ENTREP2: variants seen among roughly 807,000 people sequenced by gnomAD.
ENTREP2 encodes the protein endosomal transmembrane epsin interactor 2, also known as protein ENTREP2.
chr15:29,595,459 T>C, the ENTREP2 span, among the ~76,000 whole-genome samples: 3 of 152,186 alleles, frequency 2.0e-5, no homozygotes, highest in Non-Finnish European at 4.4e-5. Context: ...GTCCATACTT[T>C]GTCCAGAATT....
chr15:29,475,095 C>A, the ENTREP2 span, among the ~76,000 whole-genome samples: 1 of 152,014 alleles, frequency 6.6e-6, no homozygotes. Flanking sequence ...CCAAAGCAAG[C>A]AAAGACATGC....
chr15:29,554,030 G>A, the ENTREP2 span, among the ~76,000 whole-genome samples: 1 of 152,144 alleles, frequency 6.6e-6, no homozygotes, highest in Non-Finnish European at 1.5e-5. Flanking sequence ...AAGGAAGGAA[G>A]GGGGCCGTGC....
At chr15:29,121,362 G>A in the ENTREP2 span, 1 of 152,416 alleles carries the variant, frequency 6.6e-6, no homozygotes, top group Non-Finnish European at 1.5e-5. Context: ...TGGAATTGCA[G>A]CCATGTCTGA....
chr15:29,206,471 A>G, the ENTREP2 span, among the ~76,000 whole-genome samples: 1 of 152,174 alleles, frequency 6.6e-6, no homozygotes, highest in South Asian at 2.1e-4. Flanking sequence ...GTAAGACCCC[A>G]AAAACTCCAG....
the ENTREP2 span, among the ~76,000 whole-genome samples, chr15:29,577,230 T>C: frequency 1.3e-5 from 2 of 151,524 alleles, no homozygotes; most frequent in Non-Finnish European, 2.9e-5. Flanking sequence ...CTGTGGAAAA[T>C]GGCATGGTGA....
At chr15:29,231,810 G>A in the ENTREP2 span, among the ~76,000 whole-genome samples, 1 of 151,726 alleles carries the variant, frequency 6.6e-6, no homozygotes, top group Non-Finnish European at 1.5e-5. Context: ...TAGCAATACA[G>A]GTCATCTCAG....
At chr15:29,656,552 C>T in the ENTREP2 span, among the ~76,000 whole-genome samples, 1 of 152,130 alleles carries the variant, frequency 6.6e-6, no homozygotes, top group Non-Finnish European at 1.5e-5. Context: ...TAGAAGAATT[C>T]TGATAGCAGA....
the ENTREP2 span, chr15:29,124,844 G>C: frequency 5.8e-6 from 7 of 1,212,072 alleles, no homozygotes; most frequent in South Asian, 9.1e-5. Context: ...CTGTGACTAA[G>C]ACATTTTAGA....
At chr15:29,414,425 G>A in the ENTREP2 span, among the ~76,000 whole-genome samples, 1 of 152,258 alleles carries the variant, frequency 6.6e-6, no homozygotes, top group African/African-American at 2.4e-5. Context: ...AATGAAGGCA[G>A]AAATAAAGAT....
chr15:29,593,852 G>T, the ENTREP2 span, among the ~76,000 whole-genome samples: 16 of 152,178 alleles, frequency 1.1e-4, no homozygotes, highest in Admixed American at 9.8e-4. Context: ...TATCTTGATT[G>T]TGGTGGTTAC....
At chr15:29,669,933 A>G in the ENTREP2 span, among the ~76,000 whole-genome samples, 2 of 152,160 alleles carry the variant, frequency 1.3e-5, no homozygotes, top group Non-Finnish European at 2.9e-5. Flanking sequence ...CCCTGTCAAA[A>G]TCATGTTGGC....
chr15:29,587,049 G>C, the ENTREP2 span, among the ~76,000 whole-genome samples: 1 of 151,976 alleles, frequency 6.6e-6, no homozygotes, highest in South Asian at 2.1e-4. Flanking sequence ...GACATACCCA[G>C]GCTAGGTTAC....
At chr15:29,362,621 C>T in the ENTREP2 span, among the ~76,000 whole-genome samples, 3 of 151,914 alleles carry the variant, frequency 2.0e-5, no homozygotes, top group South Asian at 4.2e-4. Flanking sequence ...GCAATACGCC[C>T]GCCTCGGCCT....
At chr15:29,485,253 T>C in the ENTREP2 span, among the ~76,000 whole-genome samples, 3 of 152,224 alleles carry the variant, frequency 2.0e-5, no homozygotes, top group Non-Finnish European at 4.4e-5. Flanking sequence ...CCTGTGGTGT[T>C]TTCATCTACC....
At chr15:29,428,189 A>G in the ENTREP2 span, among the ~76,000 whole-genome samples, 1 of 152,116 alleles carries the variant, frequency 6.6e-6, no homozygotes, top group Non-Finnish European at 1.5e-5. Context: ...CCCTGTGGAG[A>G]CTCCGATACA....
At chr15:29,287,083 T>C in the ENTREP2 span, among the ~76,000 whole-genome samples, 7 of 152,136 alleles carry the variant, frequency 4.6e-5, no homozygotes, top group African/African-American at 1.2e-4. Context: ...AAGATAGTCA[T>C]AGGAACAAGT....
the ENTREP2 span, among the ~76,000 whole-genome samples, chr15:29,243,655 A>C: frequency 6.6e-6 from 1 of 152,118 alleles, no homozygotes; most frequent in Non-Finnish European, 1.5e-5. Flanking sequence ...CTATTAATCT[A>C]CTTTGAATCT....
chr15:29,505,593 G>A, the ENTREP2 span, among the ~76,000 whole-genome samples: 169 of 152,284 alleles, frequency 1.1e-3, no homozygotes, highest in Non-Finnish European at 5.3e-4. This position sits in a 1 kb window ranked among gnomAD's most constrained non-coding sequence, Gnocchi z 4.3. Context: ...AGCAGCCTCC[G>A]CTGGTGATAC....
chr15:29,249,515 G>A, the ENTREP2 span, among the ~76,000 whole-genome samples: 2 of 151,974 alleles, frequency 1.3e-5, no homozygotes, highest in African/African-American at 4.8e-5. Flanking sequence ...GAAGTGTTTT[G>A]TTTTTTGAAT....
Sources: allele counts gnomAD v4.1 joint callset (sites outside exome capture counted in the v4.1 genomes callset), GRCh38; gene constraint gnomAD v4.1.1; non-coding constraint Gnocchi (gnomAD v3.1); transcripts MANE v1.5; gene names NCBI Gene and HGNC (gene_info 2026-07-23, HGNC 2026-07-21).